The following HDX variants were observed in gnomAD, a reference collection of about 807,000 sequenced individuals.
HDX encodes highly divergent homeobox, also known as chromosome X open reading frame 43.
Under a neutral mutation model 45.2 loss-of-function variants are expected in HDX, and 19 were observed. The ratio of observed to expected loss-of-function variants is 0.42; its 90% CI spans 0.29 to 0.62. The LOEUF is 0.62. Ranked by LOEUF, HDX falls within the 20% of genes least tolerant of loss-of-function variation. The pLI is 0.20. For synonymous variants in HDX, 188 were observed against 172.8 expected, an observed-to-expected ratio of 1.09 and a Z score of -0.69; for missense variants, 532 against 493.9, an observed-to-expected ratio of 1.08 and a Z score of -0.73.
chrX:84,484,673 T>A (rs781149307), intron 2 of HDX, among the ~76,000 whole-genome samples: 13 of 112,121 alleles, frequency 1.2e-4, no homozygotes, highest in African/African-American at 4.2e-4. Context: ...TTTCTCCACA[T>A]TCTCGCCAAC....
intron 5 of HDX, among the ~76,000 whole-genome samples, chrX:84,378,332 A>T (rs1205671705): frequency 8.9e-6 from 1 of 111,877 alleles, no homozygotes; most frequent in African/African-American, 3.2e-5. Context: ...GGTAATAGTA[A>T]GTACACAGAA....
intron 6 of HDX, among the ~76,000 whole-genome samples, chrX:84,349,399 A>ATG (rs1409323579): frequency 2.2e-4 from 20 of 89,631 alleles, no homozygotes; most frequent in Non-Finnish European, 3.9e-4. Context: ...AATTATATAT[A>ATG]TATATGTGTG....
chrX:84,415,738 A>G (rs2039087410), intron 5 of HDX, among the ~76,000 whole-genome samples: 1 of 112,349 alleles, frequency 8.9e-6, no homozygotes, highest in Non-Finnish European at 1.9e-5. Flanking sequence ...TCTTGCTTGG[A>G]CACTTACTGA....
chrX:84,373,757 C>T (rs1210013876), intron 5 of HDX, among the ~76,000 whole-genome samples: 1 of 111,305 alleles, frequency 9.0e-6, no homozygotes, highest in Non-Finnish European at 1.9e-5. Context: ...TGGGACTTAT[C>T]TCAAAATAAT....
At chrX:84,374,405 A>G (rs1450067859) in intron 5 of HDX, among the ~76,000 whole-genome samples, 3 of 110,441 alleles carry the variant, frequency 2.7e-5, no homozygotes, top group Non-Finnish European at 5.7e-5. Flanking sequence ...ATTGGAAAAA[A>G]CTACTTTAAA....
chrX:84,392,468 G>A (rs949507665), intron 5 of HDX, among the ~76,000 whole-genome samples: 3 of 111,101 alleles, frequency 2.7e-5, no homozygotes, highest in African/African-American at 6.5e-5. Flanking sequence ...CTCTGGTATC[G>A]TGGTAGGGAT....
chrX:84,479,204 A>T (rs1478217709), intron 2 of HDX, among the ~76,000 whole-genome samples: 1 of 111,221 alleles, frequency 9.0e-6, no homozygotes, highest in Non-Finnish European at 1.9e-5. Flanking sequence ...ACTCCCAAAA[A>T]TTTCCCTTAT....
chrX:84,389,618 C>A (rs781000965), intron 5 of HDX, among the ~76,000 whole-genome samples: 1 of 111,659 alleles, frequency 9.0e-6, no homozygotes, highest in Non-Finnish European at 1.9e-5. Context: ...TGCACTGAGG[C>A]TGGGCTGCAG....
At chrX:84,367,164 A>G (rs1444918364) in intron 5 of HDX, among the ~76,000 whole-genome samples, 1 of 112,101 alleles carries the variant, frequency 8.9e-6, no homozygotes, top group African/African-American at 3.2e-5. Context: ...AAAAAATCAA[A>G]CAACTCCATC....
At position 84,468,597 on chromosome X, in the gene HDX, G is replaced by A. The variant is rs780890109; in HGVS notation, c.1126C>T (p.Arg376Trp). The change falls in exon 4 of 11, where the codon CGG becomes TGG. Residue 376 changes from arginine to tryptophan, a missense_variant. Around this residue, in one of 3 missense-constraint regions of HDX, gnomAD observed 376 missense variants for 343.7 expected, o/e 1.09. Transcript: ENST00000373177. ...YQNRNYHLTP[R>W]TSLHTASSTM... The stretch of plus-strand genomic sequence containing the variant: ...CTAGATGCTGTATGTAATGAGGTCC[G>A]TGGTGTCAAATGGTAGTTTCTGTTT... The A allele has an allele frequency of 3.3e-6, 4 of 1,200,650 alleles. No homozygotes were observed. Among genetic ancestry groups the A allele is most frequent in the Middle Eastern group, 2.3e-4 (1 of 4,356 alleles).
chrX:84,466,258 T>C (rs757412439), intron 4 of HDX, among the ~76,000 whole-genome samples: 42 of 112,446 alleles, frequency 3.7e-4, no homozygotes, highest in South Asian at 1.1e-3. Flanking sequence ...TATAAGAAGT[T>C]TATGTGCCAG....
Position 84,468,808 on chromosome X carries a change from A to T in HDX, c.915T>A (p.Asp305Glu). 1 of 1,209,277 alleles carries T rather than the reference A, an allele frequency of 8.3e-7. No homozygotes were observed. Among genetic ancestry groups the T allele is most frequent in the South Asian group, 1.8e-5 (1 of 56,766 alleles). The change falls in exon 4 of 11, where the codon GAT becomes GAA. Residue 305 changes from aspartate (D) to glutamate (E), a missense_variant. Transcript: ENST00000373177. ...SIAMETGDAE[D>E]EYAREEELAS... ...CCAGCTCTTCCTCTCTGGCATATTCATCCTCAGCATCTCCAGTCTCCATTG... is the reference window on the plus strand; with the variant it reads ...CCAGCTCTTCCTCTCTGGCATATTCTTCCTCAGCATCTCCAGTCTCCATTG...
intron 5 of HDX, among the ~76,000 whole-genome samples, chrX:84,365,112 T>C (rs1206050439): frequency 9.1e-6 from 1 of 110,172 alleles, no homozygotes; most frequent in Non-Finnish European, 1.9e-5. Context: ...TTTTTTTCAA[T>C]ACCAGATGTG....
intron 5 of HDX, among the ~76,000 whole-genome samples, chrX:84,431,440 AT>A (rs905141928): frequency 9.0e-6 from 1 of 111,173 alleles, no homozygotes; most frequent in Non-Finnish European, 1.9e-5. Flanking sequence ...GCTTTCCACA[AT>A]GGCTGCACTA....
intron 5 of HDX, among the ~76,000 whole-genome samples, chrX:84,433,402 C>G (rs1361157222): frequency 9.0e-6 from 1 of 111,543 alleles, no homozygotes. Flanking sequence ...CATTCTTCTG[C>G]TGGTGAATAT....
intron 4 of HDX, among the ~76,000 whole-genome samples, chrX:84,464,092 G>T (rs954311092): frequency 9.0e-6 from 1 of 111,156 alleles, no homozygotes; most frequent in African/African-American, 3.3e-5. Context: ...AAACTCAAGA[G>T]AATTGTTTGT....
intron 5 of HDX, among the ~76,000 whole-genome samples, chrX:84,427,425 G>T (rs1048725381): frequency 9.0e-6 from 1 of 110,773 alleles, no homozygotes; most frequent in Middle Eastern, 4.3e-3. Flanking sequence ...TAAACATCAC[G>T]CCCCAATGTT....
At chrX:84,474,575 G>A (rs2040512630) in intron 3 of HDX, among the ~76,000 whole-genome samples, 1 of 111,804 alleles carries the variant, frequency 8.9e-6, no homozygotes, top group South Asian at 3.7e-4. Context: ...TTCACGCTAA[G>A]AGGATTTGTA....
intron 5 of HDX, among the ~76,000 whole-genome samples, chrX:84,411,567 A>T (rs2038986262): frequency 9.0e-6 from 1 of 111,091 alleles, no homozygotes; most frequent in Non-Finnish European, 1.9e-5. Context: ...ATTTGCTGGG[A>T]ATTGTTTTAT....
Sources: allele counts gnomAD v4.1 joint callset (sites outside exome capture counted in the v4.1 genomes callset), GRCh38; gene constraint gnomAD v4.1.1; regional missense constraint gnomAD v4.1.1; transcripts MANE v1.5; gene names NCBI Gene and HGNC (gene_info 2026-07-23, HGNC 2026-07-21).